Variants in ANGPT1 observed in about 807,000 individuals in gnomAD.
ANGPT1 encodes angiopoietin 1.
In ANGPT1, 17 loss-of-function variants were observed where a neutral mutation model predicts 62.2. The observed-to-expected ratio is 0.27, with a 90% CI of 0.19 to 0.41. ANGPT1 has a LOEUF of 0.41. ANGPT1 is among the 10% of genes least tolerant of loss of function. The probability of loss-of-function intolerance (pLI) is 1.00; values close to 1 mark genes in which losing one functional copy is unlikely to be tolerated. For synonymous variants in ANGPT1, 199 were observed against 198.9 expected (o/e 1.00, Z 0.00); for missense variants, 478 against 594.9 (o/e 0.80, Z 2.04).
At chr8:107,424,652 T>C (rs35394445) in intron 1 of ANGPT1, among the ~76,000 whole-genome samples, 10,698 of 152,244 alleles carry the variant, frequency 0.07, 524 homozygotes, top group African/African-American at 0.12. Flanking sequence ...CTGGAAAACA[T>C]TGGGCAGCCA....
chr8:107,370,877 T>C (rs1011478610), intron 1 of ANGPT1, among the ~76,000 whole-genome samples: 4 of 151,356 alleles, frequency 2.6e-5, no homozygotes, highest in Non-Finnish European at 4.4e-5. Context: ...ATTACCAAAA[T>C]GTGACACAGA....
rs575023047 is a variant in ANGPT1 at position 107,401,716 on chromosome 8, C to A, written c.298-54619G>T. On this transcript the variant is annotated intron_variant, in intron 1 of 8. Coordinates refer to ENST00000517746, the MANE Select transcript of ANGPT1 (RefSeq NM_001146.5). ...CTTAATAATATGATGAAATTCCTTG[C>A]GGAATTCAGATTTGAATGTACACAT... 1.4e-4 allele frequency among the ~76,000 whole-genome samples: 22 copies of A among 152,192 alleles called. No homozygotes were observed. The South Asian group carries it at 3.9e-3, about 27-fold the overall frequency.
intron 1 of ANGPT1, among the ~76,000 whole-genome samples, chr8:107,380,700 A>G (rs1433176): frequency 0.45 from 67,830 of 151,920 alleles, 18,267 homozygotes; most frequent in Non-Finnish European, 0.58. Context: ...CAAAAAATGG[A>G]CCTATTGCTT....
rs149810615 is a variant in ANGPT1 at position 107,454,995 on chromosome 8, G to A, written c.297+42267C>T. 7.6e-3 allele frequency among the ~76,000 whole-genome samples: 1,162 copies of A among 152,044 alleles called. 14 individuals are homozygous for A. Among genetic ancestry groups the A allele is most frequent in the African/African-American group, 0.027 (1,120 of 41,514 alleles). On this transcript the variant is annotated intron_variant, in intron 1 of 8. Transcript: ENST00000517746. The stretch of plus-strand genomic sequence containing the variant: ...TTCCACCCTCTTCTACTGACCTTTG[G>A]CTTCTATATGTCTTCCTCTCTGGCC...
At chr8:107,334,219 C>A (rs1245261654) in intron 3 of ANGPT1, among the ~76,000 whole-genome samples, 1 of 151,962 alleles carries the variant, frequency 6.6e-6, no homozygotes, top group Admixed American at 6.6e-5. Context: ...ATATGCAGAT[C>A]AGTAGGGAAA....
Position 107,250,846 on chromosome 8 carries a change from T to C in ANGPT1, c.*1009A>G, listed in dbSNP as rs1269074631. On this transcript the variant is annotated 3_prime_UTR_variant, in exon 9 of 9. Transcript: ENST00000517746. ...TAAAAATATTTTTAAAATAATGAAGTTACATGTATGTATACACATGCAAGT... is the reference window on the plus strand; with the variant it reads ...TAAAAATATTTTTAAAATAATGAAGCTACATGTATGTATACACATGCAAGT... 1 of 152,092 alleles carries C rather than the reference T, an allele frequency of 6.6e-6. No individual in the cohort carries two copies. Among genetic ancestry groups the C allele is most frequent in the Non-Finnish European group, 1.5e-5 (1 of 67,972 alleles). The allele number at this position is 152,092 out of a possible 1,614,324, so 9.4% of individuals were successfully genotyped here.
intron 6 of ANGPT1, 104 bp downstream of exon 6, chr8:107,293,832 A>C: frequency 1.2e-6 from 1 of 829,946 alleles, no homozygotes; most frequent in Admixed American, 2.8e-5. Context: ...TTTATGTCAA[A>C]AATAACTCAA....
At chr8:107,481,451 T>C (rs186471903) in intron 1 of ANGPT1, among the ~76,000 whole-genome samples, 1,787 of 145,408 alleles carry the variant, frequency 0.012, 36 homozygotes, top group African/African-American at 0.044. Flanking sequence ...GGAGTATCAC[T>C]TGAACCTGGG....
Position 107,251,805 on chromosome 8 carries a change from C to T in ANGPT1, c.*50G>A, listed in dbSNP as rs1407401052. 2 of 1,604,958 alleles carry T rather than the reference C, an allele frequency of 1.2e-6. No homozygotes were observed. Among genetic ancestry groups the T allele is most frequent in the Admixed American group, 3.4e-5 (2 of 59,256 alleles). On this transcript the variant is annotated 3_prime_UTR_variant, in exon 9 of 9. Transcript: ENST00000517746. ...TTTCAAACAGTTTCTCACCTGGCAG[C>T]TTCTCCGGATTTCTTTGTTGCTTTC...
intron 1 of ANGPT1, among the ~76,000 whole-genome samples, chr8:107,362,363 T>C (rs1211261820): frequency 6.6e-6 from 1 of 152,214 alleles, no homozygotes; most frequent in African/African-American, 2.4e-5. Flanking sequence ...ACTCAAAGTT[T>C]ATAAAATACA....
At chr8:107,449,908 G>C (rs1483241918) in intron 1 of ANGPT1, among the ~76,000 whole-genome samples, 1 of 151,994 alleles carries the variant, frequency 6.6e-6, no homozygotes, top group Non-Finnish European at 1.5e-5. Context: ...GGTTAGACTT[G>C]CCTTCTCTCA....
intron 1 of ANGPT1, among the ~76,000 whole-genome samples, chr8:107,360,008 T>C (rs1368938076): frequency 2.6e-5 from 4 of 152,148 alleles, no homozygotes; most frequent in African/African-American, 9.7e-5. Flanking sequence ...GGTGGCCTGG[T>C]TGGAGAAATT....
intron 1 of ANGPT1, among the ~76,000 whole-genome samples, chr8:107,354,222 C>T (rs186464829): frequency 2.0e-5 from 3 of 152,296 alleles, no homozygotes; most frequent in African/African-American, 7.2e-5. Context: ...CTACACCTAC[C>T]TTCTCACACT....
Position 107,309,776 on chromosome 8 carries a change from A to G in ANGPT1, c.809-6409T>C, listed in dbSNP as rs1047436162. ...TACAAACCTAAATATCTGTGGGCTGATATCTCAGCATGACTGTTTTTAACC... is the reference window on the plus strand; with the variant it reads ...TACAAACCTAAATATCTGTGGGCTGGTATCTCAGCATGACTGTTTTTAACC... On this transcript the variant is annotated intron_variant, in intron 4 of 8. Transcript: ENST00000517746. Among the ~76,000 whole-genome samples, 7 of 152,176 alleles carry G rather than the reference A, an allele frequency of 4.6e-5. No homozygotes were observed. The East Asian group carries it at 9.6e-4, about 21-fold the overall frequency.
At chr8:107,458,261 T>G (rs1474908125) in intron 1 of ANGPT1, among the ~76,000 whole-genome samples, 1 of 152,188 alleles carries the variant, frequency 6.6e-6, no homozygotes. Flanking sequence ...ATGAGTTTAT[T>G]TATCTTTCAG....
At chr8:107,480,624 T>C (rs1812652462) in intron 1 of ANGPT1, among the ~76,000 whole-genome samples, 1 of 152,336 alleles carries the variant, frequency 6.6e-6, no homozygotes, top group African/African-American at 2.4e-5. Context: ...GCATGAACAA[T>C]AGCCAACATC....
At chr8:107,288,874 A>G (rs1374082236) in intron 6 of ANGPT1, among the ~76,000 whole-genome samples, 1 of 152,142 alleles carries the variant, frequency 6.6e-6, no homozygotes, top group Non-Finnish European at 1.5e-5. Context: ...CTTACACATT[A>G]TGGCACATAA....
intron 6 of ANGPT1, among the ~76,000 whole-genome samples, chr8:107,286,959 T>G (rs919848262): frequency 6.6e-6 from 1 of 152,272 alleles, no homozygotes; most frequent in East Asian, 1.9e-4. Flanking sequence ...TACAGGAGGC[T>G]GAAAGTCAAA....
At chr8:107,312,257 T>G (rs956934117) in intron 4 of ANGPT1, among the ~76,000 whole-genome samples, 13 of 152,216 alleles carry the variant, frequency 8.5e-5, no homozygotes, top group African/African-American at 2.7e-4. Context: ...GCTCATTTTA[T>G]TCACAAAGAC....
Sources: allele counts gnomAD v4.1 joint callset (sites outside exome capture counted in the v4.1 genomes callset), GRCh38; gene constraint gnomAD v4.1.1; transcripts MANE v1.5; gene names NCBI Gene and HGNC (gene_info 2026-07-23, HGNC 2026-07-21).